ZSCAN25: variants seen among roughly 807,000 people sequenced by gnomAD.
ZSCAN25 encodes zinc finger and SCAN domain-containing protein 25.
In ZSCAN25, 27 loss-of-function variants were observed where a neutral mutation model predicts 38.7. The observed-to-expected ratio is 0.70, with a 90% CI of 0.51 to 0.96. The LOEUF is 0.96. Ranked by LOEUF, ZSCAN25 falls within the 40% of genes least tolerant of loss-of-function variation. ZSCAN25 has a pLI of 0.00. For synonymous variants in ZSCAN25, 273 were observed against 277.7 expected (o/e 0.98, Z 0.17); for missense variants, 637 against 705.9 (o/e 0.90, Z 1.11).
chr7:99,625,392 G>C (rs1175142455), intron 7 of ZSCAN25, among the ~76,000 whole-genome samples: 1 of 152,164 alleles, frequency 6.6e-6, no homozygotes, highest in Non-Finnish European at 1.5e-5. Context: ...TCACTATGAA[G>C]AGTTAAAAAT....
the ZSCAN25 span, among the ~76,000 whole-genome samples, chr7:99,654,945 T>A: frequency 6.6e-6 from 1 of 152,186 alleles, no homozygotes; most frequent in Admixed American, 6.5e-5. Context: ...TTCTTGTAAA[T>A]TTGTTTGAGA....
the ZSCAN25 span, among the ~76,000 whole-genome samples, chr7:99,661,489 A>C: frequency 6.6e-6 from 1 of 152,370 alleles, no homozygotes; most frequent in African/African-American, 2.4e-5. Context: ...GATGAATGGC[A>C]TTAAAATAGC....
the ZSCAN25 span, among the ~76,000 whole-genome samples, chr7:99,678,963 G>T: frequency 1.3e-5 from 2 of 152,228 alleles, no homozygotes; most frequent in African/African-American, 4.8e-5. Context: ...TTGCCCTCCT[G>T]TACTGTAACA....
Position 99,619,601 on chromosome 7 carries a change from C to A in ZSCAN25, c.-6C>A. 6.2e-7 allele frequency: 1 copy of A among 1,608,654 alleles called. No individual in the cohort carries two copies. Among genetic ancestry groups the A allele is most frequent in the Non-Finnish European group, 8.5e-7 (1 of 1,176,492 alleles). ...CATTCTCAGTCTCCTCGGAGGGAGT[C>A]TGAAGATGCTTAAAGAGCATCCAGA... On this transcript the variant is annotated 5_prime_UTR_variant, in exon 4 of 8. In the 5' UTR this introduces an upstream ATG that the reference lacks. Coordinates refer to ENST00000394152, the MANE Select transcript of ZSCAN25 (RefSeq NM_145115.3).
chr7:99,627,070 A>G (rs540919573), intron 7 of ZSCAN25, among the ~76,000 whole-genome samples: 1 of 152,354 alleles, frequency 6.6e-6, no homozygotes, highest in South Asian at 2.1e-4. Context: ...TACAGGGAAC[A>G]CACTTAGGTC....
the ZSCAN25 span, chr7:99,660,214 CTTTTTTT>C: frequency 5.8e-4 from 250 of 429,692 alleles, no homozygotes; most frequent in East Asian, 4.2e-3. Flanking sequence ...CGCCACACTC[CTTTTTTT>C]TTTTTTTTTT....
chr7:99,682,870 T>C, the ZSCAN25 span, among the ~76,000 whole-genome samples: 1 of 152,208 alleles, frequency 6.6e-6, no homozygotes, highest in Non-Finnish European at 1.5e-5. Context: ...TAGTTTTATT[T>C]GGGGTTATTG....
chr7:99,638,618 C>A, the ZSCAN25 span: 1 of 1,584,882 alleles, frequency 6.3e-7, no homozygotes, highest in Admixed American at 1.7e-5. Context: ...GTCACTGTCT[C>A]CACGTTGAAA....
At chr7:99,659,098 C>T in the ZSCAN25 span, 7 of 152,244 alleles carry the variant, frequency 4.6e-5, no homozygotes, top group Non-Finnish European at 1.0e-4. Context: ...AGTCATTCTC[C>T]ATCCAGCTTT....
chr7:99,662,976 C>G, the ZSCAN25 span: 18 of 1,564,388 alleles, frequency 1.2e-5, no homozygotes, highest in African/African-American at 2.0e-4. The surrounding 1 kb of genome is among the most constrained non-coding windows in gnomAD (Gnocchi z 4.3). Context: ...TTCTTGACTT[C>G]CCTCCCTCAA....
intron 5 of ZSCAN25, chr7:99,622,309 G>T: frequency 1.8e-6 from 1 of 551,770 alleles, no homozygotes; most frequent in East Asian, 3.2e-5. Context: ...TGGACGGACA[G>T]GGCCGGGACA....
At chr7:99,722,248 CTCA>C in the ZSCAN25 span, 1 of 1,611,826 alleles carries the variant, frequency 6.2e-7, no homozygotes, top group Non-Finnish European at 8.5e-7. Flanking sequence ...GTGGGGTAAA[CTCA>C]TCATAGAAAC....
rs1293087828 is a variant in ZSCAN25, at chr7:99,624,189, G to A, written c.805+9G>A. On this transcript the variant is annotated intron_variant, in intron 7 of 7. Transcript: ENST00000394152. ...CTGCAGGGTCTCTCCAGGTAAGACT[G>A]TCTCCACCCACAGGTGAGGAACTGG... 1.2e-6 allele frequency: 2 copies of A among 1,613,204 alleles called. No individual in the cohort carries two copies. The highest frequency in any genetic ancestry group is 2.7e-5 in the African/African-American group (2 of 74,902).
At chr7:99,640,143 C>T in the ZSCAN25 span, among the ~76,000 whole-genome samples, 593 of 152,260 alleles carry the variant, frequency 3.9e-3, 6 homozygotes, top group African/African-American at 0.012. Context: ...TTCTTCCCAC[C>T]CTCAAAATCT....
chr7:99,635,672 T>C (rs1203502938), downstream of ZSCAN25, among the ~76,000 whole-genome samples: 1 of 151,812 alleles, frequency 6.6e-6, no homozygotes, highest in Non-Finnish European at 1.5e-5. Context: ...TATAAAATTT[T>C]AACTATGCTC....
the ZSCAN25 span, among the ~76,000 whole-genome samples, chr7:99,726,214 A>C: frequency 6.6e-6 from 1 of 151,986 alleles, no homozygotes; most frequent in Non-Finnish European, 1.5e-5. Flanking sequence ...GCCCATTACT[A>C]TCCCATTAAA....
the ZSCAN25 span, among the ~76,000 whole-genome samples, chr7:99,724,266 A>G: frequency 6.6e-6 from 1 of 152,224 alleles, no homozygotes; most frequent in African/African-American, 2.4e-5. Flanking sequence ...TTCTTCTGCA[A>G]TACCGCTTGG....
At chr7:99,650,317 C>A in the ZSCAN25 span, 10 of 1,255,944 alleles carry the variant, frequency 8.0e-6, no homozygotes, top group Admixed American at 7.6e-5. Flanking sequence ...TAAGAACAAC[C>A]CCCCTCCACC....
rs537452846 is a variant in ZSCAN25 at position 99,631,102 on chromosome 7, C to G, written c.*1082C>G. 21 of 985,282 alleles carry G rather than the reference C, an allele frequency of 2.1e-5. No homozygotes were observed. The highest frequency in any genetic ancestry group is 2.4e-5 in the Non-Finnish European group (20 of 829,924). 61.0% of individuals were successfully genotyped at this position (985,282 alleles called of 1,614,324 possible). On this transcript the variant is annotated 3_prime_UTR_variant, in exon 8 of 8. Transcript: ENST00000394152. Reference sequence around the variant, plus strand: ...TGTTGACCTCGTAGAGCTTATGTCTCGTGGATGTACCTGATCTTCAGAACC... The same window carrying G: ...TGTTGACCTCGTAGAGCTTATGTCTGGTGGATGTACCTGATCTTCAGAACC...
Sources: gnomAD v4.1 joint callset for allele counts (sites outside exome capture counted in the v4.1 genomes callset) on GRCh38, gnomAD v4.1.1 for gene constraint, Gnocchi (gnomAD v3.1) non-coding constraint, MANE v1.5 for transcripts, NCBI Gene and HGNC (gene_info 2026-07-23, HGNC 2026-07-21) for gene names.